Variants in DLGAP2 observed in about 807,000 individuals in gnomAD.
DLGAP2 encodes the protein disks large-associated protein 2.
DLGAP2 carries 26 observed loss-of-function variants against 100.3 expected under a neutral mutation model. That is an observed-to-expected ratio of 0.26 (90% CI 0.19 to 0.36). The LOEUF is 0.36. Ranked by LOEUF, DLGAP2 falls within the 10% of genes least tolerant of loss-of-function variation. The probability of loss-of-function intolerance (pLI) is 1.00; values close to 1 mark genes in which losing one functional copy is unlikely to be tolerated. For missense variants in DLGAP2, 1,858 were observed against 1,453.2 expected (o/e 1.28, Z -4.53); for synonymous variants, 886 against 630.1 (o/e 1.41, Z -6.08).
intron 2 of DLGAP2, among the ~76,000 whole-genome samples, chr8:1,155,726 G>A (rs1400669542): frequency 6.6e-6 from 1 of 152,176 alleles, no homozygotes; most frequent in African/African-American, 2.4e-5. Flanking sequence ...TTCCCCGTCC[G>A]CGCGGGCTGC....
At chr8:1,342,860 C>G (rs560811137) in intron 3 of DLGAP2, among the ~76,000 whole-genome samples, 7 of 152,274 alleles carry the variant, frequency 4.6e-5, no homozygotes, top group Non-Finnish European at 8.8e-5. Context: ...CAATTCTTTC[C>G]CTTACCTTTT....
intron 6 of DLGAP2, among the ~76,000 whole-genome samples, chr8:1,571,141 G>A (rs1288776438): frequency 6.5e-5 from 8 of 123,614 alleles, no homozygotes; most frequent in Non-Finnish European, 8.3e-5. Flanking sequence ...GGTGAACTGT[G>A]GGGGCATCTT....
intron 2 of DLGAP2, among the ~76,000 whole-genome samples, chr8:1,242,085 T>A (rs976260636): frequency 1.3e-5 from 2 of 152,208 alleles, no homozygotes; most frequent in African/African-American, 4.8e-5. Flanking sequence ...TTAATTTGTT[T>A]GTAGATAAAC....
At chr8:1,559,007 C>T (rs922034392) in intron 5 of DLGAP2, among the ~76,000 whole-genome samples, 1 of 152,206 alleles carries the variant, frequency 6.6e-6, no homozygotes. Context: ...AATCCTGGCC[C>T]CTTTCACCTG....
chr8:1,549,672 CACT>C lies in DLGAP2; in HGVS notation c.1222_1224del (p.Tyr408del). Reference sequence around the variant, plus strand: ...CGCCAAGCCCGCCCTGAGGCCGTGCCACTACCTCCAGGTAAGCAGGCTCACGGC... The same window carrying C: ...CGCCAAGCCCGCCCTGAGGCCGTGCCACCTCCAGGTAAGCAGGCTCACGGC... On this transcript the variant is annotated inframe_deletion, in exon 5 of 15. Coordinates refer to ENST00000637795, the MANE Select transcript of DLGAP2 (RefSeq NM_001346810.2). 2 of 1,550,008 alleles carry C rather than the reference CACT, an allele frequency of 1.3e-6. No individual in the cohort carries two copies. Among genetic ancestry groups the C allele is most frequent in the Non-Finnish European group, 1.7e-6 (2 of 1,146,392 alleles).
chr8:1,576,278 G>A (rs981513875), intron 6 of DLGAP2, among the ~76,000 whole-genome samples: 20 of 152,316 alleles, frequency 1.3e-4, no homozygotes, highest in Admixed American at 1.0e-3. Context: ...TTTGAGAAGT[G>A]TCTGTTCATG....
intron 3 of DLGAP2, among the ~76,000 whole-genome samples, chr8:1,444,705 CT>C (rs1244236231): frequency 6.6e-5 from 10 of 151,366 alleles, no homozygotes; most frequent in African/African-American, 2.2e-4. Flanking sequence ...AGTCCCCTTT[CT>C]CCCCTGCTTA....
At chr8:1,136,049 T>C (rs1245376053) in intron 2 of DLGAP2, among the ~76,000 whole-genome samples, 1 of 152,196 alleles carries the variant, frequency 6.6e-6, no homozygotes, top group African/African-American at 2.4e-5. Flanking sequence ...GTGCTTAAGA[T>C]ATTTTTCCCA....
intron 3 of DLGAP2, among the ~76,000 whole-genome samples, chr8:1,454,590 A>G (rs1412192314): frequency 6.6e-6 from 1 of 152,132 alleles, no homozygotes; most frequent in Non-Finnish European, 1.5e-5. Context: ...GAAAGCCAAG[A>G]TTCATCTCCA....
At chr8:1,583,558 TCA>T (rs1796017689) in intron 6 of DLGAP2, among the ~76,000 whole-genome samples, 1 of 152,104 alleles carries the variant, frequency 6.6e-6, no homozygotes, top group South Asian at 2.1e-4. Flanking sequence ...TTCAAAGAAA[TCA>T]CAGTTTTTGC....
Position 1,168,887 on chromosome 8 carries a change from T to C in DLGAP2, c.74-89964T>C, listed in dbSNP as rs997477852. Among the ~76,000 whole-genome samples the C allele has an allele frequency of 3.2e-5, 3 of 94,606 alleles. No individual in the cohort carries two copies. The East Asian group carries it at 8.5e-4, about 27-fold the overall frequency. The allele number at this position is 94,606 out of a possible 152,430, so 62.1% of individuals were successfully genotyped here. On this transcript the variant is annotated intron_variant, in intron 2 of 14. Transcript: ENST00000637795. ...CTGTGCAGAAGCTCTTGAGTTTAAT[T>C]AGATCCCATTTGTCAATTTTGGCTT... is the stretch of plus-strand genomic sequence containing the variant.
intron 2 of DLGAP2, among the ~76,000 whole-genome samples, chr8:1,117,900 A>G (rs1363264034): frequency 1.3e-5 from 2 of 152,232 alleles, no homozygotes; most frequent in East Asian, 1.9e-4. Flanking sequence ...AAAATCAGAC[A>G]AAAGTATCAG....
chr8:958,501 C>G (rs1039341541), intron 2 of DLGAP2, among the ~76,000 whole-genome samples: 4 of 146,328 alleles, frequency 2.7e-5, no homozygotes, highest in African/African-American at 1.0e-4. Flanking sequence ...GCGGCTCATT[C>G]AGACATCTTT....
At chr8:777,925 A>G (rs1015004690) in intron 1 of DLGAP2, among the ~76,000 whole-genome samples, 4 of 152,062 alleles carry the variant, frequency 2.6e-5, no homozygotes, top group Non-Finnish European at 4.4e-5. Context: ...AGTTCTCCTG[A>G]GTAATATCCT....
At chr8:1,560,709 C>A (rs1180090046) in intron 5 of DLGAP2, among the ~76,000 whole-genome samples, 1 of 152,238 alleles carries the variant, frequency 6.6e-6, no homozygotes, top group African/African-American at 2.4e-5. Context: ...CTTTATTCTT[C>A]CTTAGTCATC....
At chr8:1,677,239 C>T (rs1186635968) in intron 11 of DLGAP2, among the ~76,000 whole-genome samples, 1 of 152,116 alleles carries the variant, frequency 6.6e-6, no homozygotes, top group Non-Finnish European at 1.5e-5. Context: ...CGTTTTAGCA[C>T]CCACCCTATG....
intron 3 of DLGAP2, among the ~76,000 whole-genome samples, chr8:1,382,235 A>T (rs1388867065): frequency 6.6e-6 from 1 of 152,224 alleles, no homozygotes; most frequent in Admixed American, 6.5e-5. Context: ...GAAAATCATA[A>T]AATACATGTA....
At chr8:1,348,020 T>A (rs1364548727) in intron 3 of DLGAP2, among the ~76,000 whole-genome samples, 1 of 151,576 alleles carries the variant, frequency 6.6e-6, no homozygotes, top group Admixed American at 6.6e-5. Flanking sequence ...ATTGCACTCA[T>A]GGTAGCTGTG....
rs561801064 is a variant in DLGAP2, at chr8:1,670,673, C to T, written c.2202+889C>T. Among the ~76,000 whole-genome samples, 7 of 152,254 alleles carry T rather than the reference C, an allele frequency of 4.6e-5. No individual in the cohort carries two copies. In the South Asian group the frequency reaches 1.2e-3, roughly 27 times the overall value. On this transcript the variant is annotated intron_variant, in intron 10 of 14. Transcript: ENST00000637795. ...GAATGTAGGTGGATGACGAAGTCAC[C>T]TTTCATGGCAGTAAGAAAAAAAAAC...
Sources: allele counts gnomAD v4.1 joint callset (sites outside exome capture counted in the v4.1 genomes callset), GRCh38; gene constraint gnomAD v4.1.1; transcripts MANE v1.5; gene names NCBI Gene and HGNC (gene_info 2026-07-23, HGNC 2026-07-21).